Variants in PCLO observed in about 807,000 individuals in gnomAD.
PCLO encodes the protein piccolo presynaptic cytomatrix protein, also known as protein piccolo.
A neutral mutation model predicts 427.5 loss-of-function variants in PCLO; 82 were observed. The observed-to-expected ratio is 0.19, with a 90% CI of 0.16 to 0.23. The LOEUF (loss-of-function observed/expected upper bound fraction) is 0.23, where lower values mean the gene tolerates loss of function less well. Ranked by LOEUF, PCLO falls within the 10% of genes least tolerant of loss-of-function variation. PCLO has a pLI of 1.00. For missense variants in PCLO, 6,239 were observed against 6,115.9 expected (o/e 1.02, Z -0.67); for synonymous variants, 2,357 against 2,155.4 (o/e 1.09, Z -2.59).
intron 9 of PCLO, among the ~76,000 whole-genome samples, chr7:82,897,359 T>C (rs1793928677): frequency 6.6e-6 from 1 of 151,522 alleles, no homozygotes. Context: ...AGTTAACAGG[T>C]TAAAAGTTAA....
intron 3 of PCLO, among the ~76,000 whole-genome samples, chr7:82,974,756 G>T (rs1795979715): frequency 6.6e-6 from 1 of 151,920 alleles, no homozygotes; most frequent in Non-Finnish European, 1.5e-5. Context: ...TCTTATAGAG[G>T]TGTATTTTGG....
chr7:82,758,644 G>A lies in PCLO; in HGVS notation c.15360C>T (p.Asp5120=), dbSNP rs62465931. 0.019 allele frequency: 31,353 copies of A among 1,611,034 alleles called. 358 individuals are homozygous for A. Among genetic ancestry groups the A allele is most frequent in the Middle Eastern group, 0.037 (221 of 6,052 alleles). ...TLIGEACIWL[D]KVDLRKRIVN... Reference sequence around the variant, plus strand: ...CTATTCTTTTTCTGAGATCCACTTTGTCAAGCCAGATACAGGCTTCACCAA... The same window carrying A: ...CTATTCTTTTTCTGAGATCCACTTTATCAAGCCAGATACAGGCTTCACCAA... Residue 5120 remains aspartate (D), a synonymous_variant, in exon 25 of 25, where the codon GAC becomes GAT. Transcript: ENST00000333891.
At chr7:82,778,688 C>G (rs547669070) in intron 22 of PCLO, among the ~76,000 whole-genome samples, 59 of 152,056 alleles carry the variant, frequency 3.9e-4, no homozygotes, top group Non-Finnish European at 5.7e-4. Flanking sequence ...ATGTGAAGTA[C>G]TAGTATTTTT....
intron 3 of PCLO, among the ~76,000 whole-genome samples, chr7:82,994,250 T>C (rs772831996): frequency 1.3e-4 from 19 of 152,000 alleles, no homozygotes; most frequent in South Asian, 4.1e-4. Flanking sequence ...AACAAACAGA[T>C]ACAATTTAAG....
In PCLO at chr7:82,822,608, T is replaced by G. The variant is rs758598898; in HGVS notation, c.14678A>C (p.His4893Pro). 1 of 1,613,780 alleles carries G rather than the reference T, an allele frequency of 6.2e-7. No homozygotes were observed. Residue 4893 changes from histidine (H) to proline (P), a missense_variant, in exon 20 of 25, where the codon CAT becomes CCT. Coordinates refer to ENST00000333891, the MANE Select transcript of PCLO (RefSeq NM_033026.6). Reference protein sequence around the residue: ...KSSSEGHLRSHGPSRSQSKTS... With the variant: ...KSSSEGHLRSPGPSRSQSKTS... ...TTTGCTTTGACTGCGAGATGGTCCATGAGAACGGAGATGGCCTTCTGATGA... is the reference window on the plus strand; with the variant it reads ...TTTGCTTTGACTGCGAGATGGTCCAGGAGAACGGAGATGGCCTTCTGATGA...
chr7:83,007,814 T>A (rs1787985338), intron 3 of PCLO, among the ~76,000 whole-genome samples: 2 of 151,502 alleles, frequency 1.3e-5, no homozygotes, highest in Admixed American at 1.3e-4. Context: ...AATGAGGGCA[T>A]GTTATCTACT....
At chr7:82,985,067 A>G (rs1298714916) in intron 3 of PCLO, among the ~76,000 whole-genome samples, 1 of 152,010 alleles carries the variant, frequency 6.6e-6, no homozygotes, top group Non-Finnish European at 1.5e-5. Flanking sequence ...GAAACTAGTT[A>G]GCCAAACTAA....
At chr7:83,114,757 C>A (rs1183041838) in intron 3 of PCLO, among the ~76,000 whole-genome samples, 2 of 151,972 alleles carry the variant, frequency 1.3e-5, no homozygotes, top group African/African-American at 2.4e-5. Flanking sequence ...AAATGGTATA[C>A]AATGCCATGA....
At chr7:82,871,425 T>C (rs543740481) in intron 10 of PCLO, among the ~76,000 whole-genome samples, 44 of 105,268 alleles carry the variant, frequency 4.2e-4, no homozygotes, top group Non-Finnish European at 1.7e-4. Context: ...ATATAGTAAA[T>C]AAAATAGCCG....
intron 2 of PCLO, among the ~76,000 whole-genome samples, chr7:83,140,840 C>T (rs1377052669): frequency 2.0e-5 from 3 of 152,182 alleles, no homozygotes; most frequent in Non-Finnish European, 4.4e-5. Context: ...AAAATTAAAC[C>T]TTTATCTCCA....
intron 20 of PCLO, chr7:82,822,226 A>C (rs1039164649): frequency 7.6e-7 from 1 of 1,315,970 alleles, no homozygotes; most frequent in South Asian, 1.6e-5. Flanking sequence ...CATCACAGAC[A>C]CTGTATCAAA....
Position 82,911,514 on chromosome 7 carries a change from G to A in PCLO, c.13301-2501C>T, listed in dbSNP as rs114728469. Among the ~76,000 whole-genome samples, 884 of 151,928 alleles carry A rather than the reference G, an allele frequency of 5.8e-3. 12 individuals carry two copies. The highest frequency in any genetic ancestry group is 0.02 in the African/African-American group (834 of 41,422). ...TACAAATAAGTTATTTCTGGATCTA[G>A]TACTGTCCGCAGGCTACAGTTACAT... On this transcript the variant is annotated intron_variant, in intron 7 of 24. Transcript: ENST00000333891.
rs1554402641 is a variant in PCLO at position 83,134,243 on chromosome 7, A to AT, written c.3300+6_3300+7insA. 4.1e-5 allele frequency: 45 copies of AT among 1,088,050 alleles called. No individual in the cohort carries two copies. Among genetic ancestry groups the AT allele is most frequent in the Middle Eastern group, 2.3e-4 (1 of 4,290 alleles). The allele number at this position is 1,088,050 out of a possible 1,614,324, so 67.4% of individuals were successfully genotyped here. ...AATATATATATATATATATATATAT[A>AT]ACTTACCTCAGTCAAATGTGGTGTA... is the stretch of plus-strand genomic sequence containing the variant. On this transcript the variant is annotated splice_region_variant and intron_variant, in intron 3 of 24. Coordinates refer to ENST00000333891, the MANE Select transcript of PCLO (RefSeq NM_033026.6).
At chr7:82,773,241 A>G (rs1205564279) in intron 22 of PCLO, among the ~76,000 whole-genome samples, 1 of 152,194 alleles carries the variant, frequency 6.6e-6, no homozygotes, top group Non-Finnish European at 1.5e-5. Flanking sequence ...CAGAAAAAGT[A>G]TAATGTAAGA....
intron 18 of PCLO, among the ~76,000 whole-genome samples, chr7:82,824,732 GTTGTAAGAACTT>G (rs1791891964): frequency 6.6e-6 from 1 of 151,242 alleles, no homozygotes; most frequent in Admixed American, 6.6e-5. Context: ...ACTTCTTTTT[GTTGTAAGAACTT>G]ATTTTAATCT....
At chr7:83,092,715 C>T (rs531686252) in intron 3 of PCLO, among the ~76,000 whole-genome samples, 26 of 151,928 alleles carry the variant, frequency 1.7e-4, no homozygotes, top group Admixed American at 1.1e-3. Context: ...TTTGAGAGGC[C>T]GAGGCAGGGG....
chr7:82,960,007 G>A (rs1461257092), intron 4 of PCLO, among the ~76,000 whole-genome samples: 1 of 152,166 alleles, frequency 6.6e-6, no homozygotes, highest in African/African-American at 2.4e-5. Flanking sequence ...AATGTGCCAA[G>A]ACATATCTGC....
At chr7:83,044,989 C>T (rs71557157) in intron 3 of PCLO, among the ~76,000 whole-genome samples, 22,561 of 152,060 alleles carry the variant, frequency 0.15, 1,796 homozygotes, top group African/African-American at 0.18. Flanking sequence ...GCAAAAATAT[C>T]TGTAAAACCA....
At chr7:83,082,490 G>A (rs1790126649) in intron 3 of PCLO, among the ~76,000 whole-genome samples, 2 of 151,678 alleles carry the variant, frequency 1.3e-5, no homozygotes, top group African/African-American at 4.8e-5. Context: ...GTTACACGAG[G>A]CTAGGAAGCA....
Sources: allele counts gnomAD v4.1 joint callset (sites outside exome capture counted in the v4.1 genomes callset), GRCh38; gene constraint gnomAD v4.1.1; transcripts MANE v1.5; gene names NCBI Gene and HGNC (gene_info 2026-07-23, HGNC 2026-07-21).